NALF1: variants seen among roughly 807,000 people sequenced by gnomAD.
NALF1 encodes the protein NALCN channel auxiliary factor 1.
In NALF1, 3 loss-of-function variants were observed where a neutral mutation model predicts 48.4. That is an observed-to-expected ratio of 0.06 (90% CI 0.03 to 0.16). The LOEUF (loss-of-function observed/expected upper bound fraction) is 0.16. Among genes scored for constraint, NALF1 ranks in the 10% least tolerant of loss-of-function variants. The pLI is 1.00. For missense variants in NALF1, 526 were observed against 571.5 expected, an observed-to-expected ratio of 0.92 and a Z score of 0.81; for synonymous variants, 262 against 245.7, an observed-to-expected ratio of 1.07 and a Z score of -0.62.
intron 1 of NALF1, among the ~76,000 whole-genome samples, chr13:107,836,152 G>A (rs143510399): frequency 5.9e-5 from 9 of 152,072 alleles, no homozygotes; most frequent in Non-Finnish European, 1.2e-4. Context: ...CACCATGCTC[G>A]ACTAATTTTT....
At chr13:107,226,637 T>C (rs1458557301) in intron 1 of NALF1, among the ~76,000 whole-genome samples, 2 of 152,206 alleles carry the variant, frequency 1.3e-5, no homozygotes, top group Non-Finnish European at 2.9e-5. Flanking sequence ...CACAGCAATA[T>C]AAATGATCAT....
intron 1 of NALF1, among the ~76,000 whole-genome samples, chr13:107,431,213 G>T (rs1884376041): frequency 6.6e-6 from 1 of 152,000 alleles, no homozygotes; most frequent in African/African-American, 2.4e-5. Context: ...TTCATAATTT[G>T]GTGCTCTTCA....
At chr13:107,591,964 G>A (rs549382054) in intron 1 of NALF1, among the ~76,000 whole-genome samples, 4 of 151,842 alleles carry the variant, frequency 2.6e-5, no homozygotes, top group Admixed American at 6.6e-5. Context: ...ACCTAACCAC[G>A]TGCAAAAATT....
intron 2 of NALF1, among the ~76,000 whole-genome samples, chr13:107,173,925 C>A (rs1178936312): frequency 6.6e-6 from 1 of 152,110 alleles, no homozygotes. Context: ...TTACTTCATC[C>A]CTTAACTCTG....
intron 1 of NALF1, among the ~76,000 whole-genome samples, chr13:107,417,682 G>A (rs114598400): frequency 0.032 from 4,840 of 152,114 alleles, 252 homozygotes; most frequent in African/African-American, 0.11. Context: ...ATCCTGTTTC[G>A]TAATATCACC....
At chr13:107,697,126 C>G (rs549210689) in intron 1 of NALF1, among the ~76,000 whole-genome samples, 8 of 152,082 alleles carry the variant, frequency 5.3e-5, no homozygotes, top group Admixed American at 4.6e-4. Context: ...AATGATGACA[C>G]AGAAGTTAAG....
chr13:107,583,908 T>C (rs747377778), intron 1 of NALF1, among the ~76,000 whole-genome samples: 6 of 152,012 alleles, frequency 3.9e-5, no homozygotes, highest in Non-Finnish European at 8.8e-5. Context: ...CTTCTTTGGC[T>C]CCCAGGTAAA....
intron 1 of NALF1, among the ~76,000 whole-genome samples, chr13:107,829,282 G>GAGC (rs2138625256): frequency 1.3e-5 from 2 of 152,220 alleles, no homozygotes; most frequent in South Asian, 4.1e-4. Flanking sequence ...CACCAATATT[G>GAGC]AGCAGTAACG....
At chr13:107,390,895 A>ATAAT (rs1485901227) in intron 1 of NALF1, among the ~76,000 whole-genome samples, 1 of 151,256 alleles carries the variant, frequency 6.6e-6, no homozygotes, top group Non-Finnish European at 1.5e-5. Context: ...AATAATAATA[A>ATAAT]TAATAATAAT....
At chr13:107,540,712 A>T (rs1422029095) in intron 1 of NALF1, among the ~76,000 whole-genome samples, 1 of 152,142 alleles carries the variant, frequency 6.6e-6, no homozygotes, top group African/African-American at 2.4e-5. Flanking sequence ...TATACAAACT[A>T]AAGTCATCCA....
At chr13:107,711,275 A>C (rs1287896726) in intron 1 of NALF1, among the ~76,000 whole-genome samples, 1 of 152,228 alleles carries the variant, frequency 6.6e-6, no homozygotes, top group Non-Finnish European at 1.5e-5. Context: ...ATGGTTATGA[A>C]ATTGAATTAT....
At chr13:107,413,865 T>C (rs1037007977) in intron 1 of NALF1, among the ~76,000 whole-genome samples, 2 of 152,152 alleles carry the variant, frequency 1.3e-5, no homozygotes, top group Non-Finnish European at 1.5e-5. Context: ...CAGCTCACTG[T>C]AACCTCTGCT....
intron 2 of NALF1, among the ~76,000 whole-genome samples, chr13:107,185,981 C>A (rs2138779641): frequency 6.6e-6 from 1 of 152,202 alleles, no homozygotes; most frequent in African/African-American, 2.4e-5. Flanking sequence ...ATAAACAATC[C>A]ATGAATTCTA....
chr13:107,412,745 G>A (rs1243096210), intron 1 of NALF1, among the ~76,000 whole-genome samples: 1 of 152,130 alleles, frequency 6.6e-6, no homozygotes, highest in Non-Finnish European at 1.5e-5. Context: ...TCAAAAAAAT[G>A]CATATCTACC....
At chr13:107,412,188 T>A (rs1178847505) in intron 1 of NALF1, among the ~76,000 whole-genome samples, 1 of 152,122 alleles carries the variant, frequency 6.6e-6, no homozygotes, top group Non-Finnish European at 1.5e-5. Context: ...GTGAACCTCA[T>A]TTCTCTCTGA....
chr13:107,393,607 T>C (rs115701082), intron 1 of NALF1, among the ~76,000 whole-genome samples: 1,586 of 152,192 alleles, frequency 0.01, 38 homozygotes, highest in African/African-American at 0.036. Context: ...CTCCCTTCAA[T>C]AGAAATGAAA....
chr13:107,463,614 T>C (rs997133031), intron 1 of NALF1, among the ~76,000 whole-genome samples: 1 of 152,162 alleles, frequency 6.6e-6, no homozygotes, highest in African/African-American at 2.4e-5. Flanking sequence ...GATGTACAGG[T>C]ATTATAATAT....
chr13:107,178,027 AC>A (rs1878974496), intron 2 of NALF1, among the ~76,000 whole-genome samples: 1 of 152,138 alleles, frequency 6.6e-6, no homozygotes, highest in Non-Finnish European at 1.5e-5. Context: ...AGCCTGGGCG[AC>A]AGAGCAAGAC....
At chr13:107,577,220 G>A (rs991079804) in intron 1 of NALF1, among the ~76,000 whole-genome samples, 1 of 152,138 alleles carries the variant, frequency 6.6e-6, no homozygotes, top group Non-Finnish European at 1.5e-5. Context: ...ATTCTCATCT[G>A]CATGTTGGAA....
Sources: gnomAD v4.1 joint callset for allele counts (sites outside exome capture counted in the v4.1 genomes callset) on GRCh38, gnomAD v4.1.1 for gene constraint, MANE v1.5 for transcripts, NCBI Gene and HGNC (gene_info 2026-07-23, HGNC 2026-07-21) for gene names.